Variants in VPS13B observed in about 807,000 individuals in gnomAD.
The protein encoded by VPS13B is vacuolar protein sorting 13 homolog B.
A neutral mutation model predicts 426.4 loss-of-function variants in VPS13B; 285 were observed. The observed-to-expected ratio is 0.67, with a 90% confidence interval of 0.61 to 0.74. The LOEUF is 0.74. VPS13B is among the 30% of genes least tolerant of loss of function. VPS13B has a pLI of 0.00. For synonymous variants in VPS13B, 1,676 were observed against 1,676.4 expected, an observed-to-expected ratio of 1.00 and a Z score of 0.01; for missense variants, 4,537 against 4,782.6, an observed-to-expected ratio of 0.95 and a Z score of 1.51.
At chr8:99,463,450 G>T (rs1391930556) in intron 23 of VPS13B, among the ~76,000 whole-genome samples, 1 of 152,092 alleles carries the variant, frequency 6.6e-6, no homozygotes, top group East Asian at 1.9e-4. Flanking sequence ...ATTACATTTT[G>T]TACATGCAGT....
intron 3 of VPS13B, among the ~76,000 whole-genome samples, chr8:99,039,717 G>A (rs1348276678): frequency 6.6e-6 from 1 of 152,026 alleles, no homozygotes; most frequent in African/African-American, 2.4e-5. Flanking sequence ...TGTATGAACT[G>A]TTAAAATTAT....
chr8:99,257,539 C>T (rs781585547), intron 17 of VPS13B, among the ~76,000 whole-genome samples: 2 of 146,960 alleles, frequency 1.4e-5, no homozygotes, highest in African/African-American at 2.5e-5. Flanking sequence ...TCCAAACAGA[C>T]GTGCATGTGA....
intron 17 of VPS13B, chr8:99,241,062 G>A (rs988578509): frequency 6.6e-6 from 1 of 152,210 alleles, no homozygotes; most frequent in Admixed American, 6.5e-5. Context: ...GTCCATATGT[G>A]TGTGTGCTTG....
In VPS13B at chr8:99,431,653, C is replaced by T. The variant is rs1817118622; in HGVS notation, c.3199C>T (p.Leu1067Phe). The T allele has an allele frequency of 6.2e-7, 1 of 1,612,914 alleles. No homozygotes were observed. Among genetic ancestry groups the T allele is most frequent in the Admixed American group, 1.7e-5 (1 of 59,962 alleles). ...AATTGTTTGGAATGCAGTGAAGCAT[C>T]TCACACTACAGGTAAAATAAAAGTT... ...IGIVWNAVKH[L>F]TLQLEVQSCC... The change falls in exon 22 of 62, where the codon CTC (leucine) becomes TTC (phenylalanine). Residue 1067 changes from leucine (L) to phenylalanine (F), a missense_variant. Physicochemically the swap from Leu to Phe is conservative, Grantham distance 22. Around this residue, in one of 2 missense-constraint regions of VPS13B, gnomAD observed 4,311 missense variants for 4,474.3 expected, o/e 0.96. Transcript: ENST00000357162.
intron 2 of VPS13B, among the ~76,000 whole-genome samples, chr8:99,032,892 C>T (rs548120014): frequency 1.5e-3 from 230 of 152,154 alleles, no homozygotes; most frequent in Non-Finnish European, 2.7e-3. Flanking sequence ...ATCTGATTTA[C>T]TGCAAACTAG....
chr8:99,663,871 A>C (rs1057231128), intron 35 of VPS13B, among the ~76,000 whole-genome samples: 1 of 152,228 alleles, frequency 6.6e-6, no homozygotes. Flanking sequence ...ATGGAATTTG[A>C]AAGTTGATGG....
chr8:99,562,518 C>T (rs992632865), intron 31 of VPS13B, among the ~76,000 whole-genome samples: 15 of 152,026 alleles, frequency 9.9e-5, no homozygotes, highest in African/African-American at 2.7e-4. Context: ...TAACCTCAAG[C>T]GATCCACCAG....
chr8:99,567,851 ACCATAGGGAG>A (rs1025490207), intron 31 of VPS13B, among the ~76,000 whole-genome samples: 1 of 152,196 alleles, frequency 6.6e-6, no homozygotes, highest in Non-Finnish European at 1.5e-5. Flanking sequence ...AGGACCTGGC[ACCATAGGGAG>A]CCCTCAATCC....
At chr8:99,438,965 C>G (rs1217276903) in intron 22 of VPS13B, among the ~76,000 whole-genome samples, 1 of 152,082 alleles carries the variant, frequency 6.6e-6, no homozygotes, top group Non-Finnish European at 1.5e-5. Context: ...CTTTCTTTAG[C>G]AAACGTTTAG....
chr8:99,844,661 C>T (rs1444791624), intron 54 of VPS13B, among the ~76,000 whole-genome samples: 1 of 152,124 alleles, frequency 6.6e-6, no homozygotes, highest in Admixed American at 6.5e-5. Flanking sequence ...TGAGCTACCG[C>T]CCCCGGCCTC....
At chr8:99,483,547 C>A (rs76652896) in intron 25 of VPS13B, among the ~76,000 whole-genome samples, 1 of 152,082 alleles carries the variant, frequency 6.6e-6, no homozygotes, top group Non-Finnish European at 1.5e-5. Flanking sequence ...TTTGTGAAAT[C>A]CTTTGGTAGA....
intron 17 of VPS13B, among the ~76,000 whole-genome samples, chr8:99,208,588 G>A (rs1019868127): frequency 7.3e-4 from 56 of 76,596 alleles, no homozygotes; most frequent in African/African-American, 2.3e-3. Flanking sequence ...ATTTTTGTTT[G>A]CTCTTTACCA....
intron 33 of VPS13B, among the ~76,000 whole-genome samples, chr8:99,618,158 T>C (rs145184160): frequency 3.9e-5 from 6 of 152,228 alleles, no homozygotes; most frequent in East Asian, 1.9e-4. Context: ...CTGTGTGATA[T>C]TGTGACAATT....
chr8:99,180,040 C>T (rs1563586588), intron 16 of VPS13B, among the ~76,000 whole-genome samples: 2 of 152,132 alleles, frequency 1.3e-5, no homozygotes, highest in Admixed American at 6.5e-5. Context: ...TTATTAATTA[C>T]ATATATAAAA....
At chr8:99,046,937 T>C (rs1356234882) in intron 3 of VPS13B, among the ~76,000 whole-genome samples, 3 of 152,200 alleles carry the variant, frequency 2.0e-5, no homozygotes, top group Admixed American at 6.5e-5. Context: ...AGCTAGTATT[T>C]TGTTAAGGAT....
In VPS13B at chr8:99,848,766, C is replaced by A; in HGVS notation, c.9943-10C>A. 3 of 1,612,650 alleles carry A rather than the reference C, an allele frequency of 1.9e-6. No homozygotes were observed. Among genetic ancestry groups the A allele is most frequent in the Non-Finnish European group, 2.5e-6 (3 of 1,178,708 alleles). The stretch of plus-strand genomic sequence containing the variant: ...TCTTTTTAATCAGATTTTGAATATT[C>A]TTTCTGCAGGTTGTGTTCCTGACTG... On this transcript the variant is annotated splice_polypyrimidine_tract_variant and intron_variant, in intron 54 of 61. Transcript: ENST00000357162.
At chr8:99,860,116 C>T (rs1816761548) in intron 57 of VPS13B, among the ~76,000 whole-genome samples, 1 of 152,194 alleles carries the variant, frequency 6.6e-6, no homozygotes, top group Admixed American at 6.5e-5. Flanking sequence ...CTTTTCTTCT[C>T]AGCAGGAGGC....
At chr8:99,370,312 G>GC (rs1813106348) in intron 19 of VPS13B, among the ~76,000 whole-genome samples, 2 of 152,178 alleles carry the variant, frequency 1.3e-5, no homozygotes, top group Non-Finnish European at 2.9e-5. Flanking sequence ...TTGATAGGGT[G>GC]TTAAGAGACA....
At chr8:99,830,393 A>C (rs539358928) in intron 51 of VPS13B, among the ~76,000 whole-genome samples, 2 of 152,256 alleles carry the variant, frequency 1.3e-5, no homozygotes, top group East Asian at 3.9e-4. Context: ...GGCTTTGTTT[A>C]CACTGTGAGG....
Sources: allele counts gnomAD v4.1 joint callset (sites outside exome capture counted in the v4.1 genomes callset), GRCh38; gene constraint gnomAD v4.1.1; regional missense constraint gnomAD v4.1.1; transcripts MANE v1.5; gene names NCBI Gene and HGNC (gene_info 2026-07-23, HGNC 2026-07-21).